ZNF680: variants seen among roughly 807,000 people sequenced by gnomAD.
ZNF680 encodes the protein zinc finger protein 680.
In ZNF680, 6 loss-of-function variants were observed where a neutral mutation model predicts 12.1. That is an observed-to-expected ratio of 0.49 (90% CI 0.27 to 0.98). The LOEUF (loss-of-function observed/expected upper bound fraction) is 0.98, where lower values mean the gene tolerates loss of function less well. Ranked by LOEUF, ZNF680 falls within the 50% of genes least tolerant of loss-of-function variation. ZNF680 has a pLI of 0.12. For synonymous variants in ZNF680, 170 were observed against 199.3 expected (o/e 0.85, Z 1.24); for missense variants, 561 against 616.3 (o/e 0.91, Z 0.95).
intron 1 of ZNF680, among the ~76,000 whole-genome samples, chr7:64,546,191 G>C (rs558804091): frequency 6.6e-6 from 1 of 152,152 alleles, no homozygotes; most frequent in African/African-American, 2.4e-5. Context: ...CTCTTGATCT[G>C]AGACAGGTTT....
Position 64,522,321 on chromosome 7 carries a change from A to G in ZNF680, c.433T>C (p.Cys145Arg), listed in dbSNP as rs761859515. 1.2e-6 allele frequency: 2 copies of G among 1,613,032 alleles called. No homozygotes were observed. Among genetic ancestry groups the G allele is most frequent in the Admixed American group, 3.3e-5 (2 of 59,946 alleles). The change falls in exon 4 of 4, where the codon TGT becomes CGT. Residue 145 changes from cysteine to arginine, a missense_variant. Coordinates refer to ENST00000309683, the MANE Select transcript of ZNF680 (RefSeq NM_178558.5). ...ATTTTGCTCTGGGTAGTTCTCAAAC[A>G]TTGGTTAAGTTCATTATAACCTTCT... ...FKEGYNELNQ[C>R]LRTTQSKIFQ...
Position 64,522,433 on chromosome 7 carries a change from C to T in ZNF680, c.321G>A (p.Val107=), listed in dbSNP as rs1266549529. ...EHSIKDSFQK[V]ILRGYGKCGH... ...CACATTTTCCATATCCTCTCAGTAT[C>T]ACTTTTTGAAAAGAATCTTTTATGC... is the stretch of plus-strand genomic sequence containing the variant. The change falls in exon 4 of 4, where the codon GTG becomes GTA. Residue 107 remains valine (V), a synonymous_variant. Coordinates refer to ENST00000309683, the MANE Select transcript of ZNF680 (RefSeq NM_178558.5). The T allele has an allele frequency of 1.6e-5, 26 of 1,602,018 alleles. No homozygotes were observed. The highest frequency in any genetic ancestry group is 2.1e-5 in the Non-Finnish European group (25 of 1,175,600).
rs1786669942 is a variant in ZNF680, at chr7:64,544,384, A to G, written c.79T>C (p.Trp27Arg). The G allele has an allele frequency of 6.2e-7, 1 of 1,603,976 alleles. No individual in the cohort carries two copies. Residue 27 changes from tryptophan to arginine, a missense_variant, in exon 2 of 4, where the codon TGG becomes CGG. By Grantham distance (101) the Trp-to-Arg change is moderately radical (BLOSUM62 -3). Transcript: ENST00000309683. ...DVAIEFSLEE[W>R]QCLDTAQRNL... ...CGTTGTGCAGTGTCCAGGCATTGCCACTCCTCCAGAGAGAATTCTATGGCC... is the reference window on the plus strand; with the variant it reads ...CGTTGTGCAGTGTCCAGGCATTGCCGCTCCTCCAGAGAGAATTCTATGGCC...
the ZNF680 span, among the ~76,000 whole-genome samples, chr7:64,506,731 A>G: frequency 6.6e-6 from 1 of 152,172 alleles, no homozygotes; most frequent in Admixed American, 6.5e-5. Flanking sequence ...TTCTGTTTGA[A>G]GTTTTTTATT....
rs541435281 is a variant in ZNF680, at chr7:64,537,940, C to CA, written c.253+5766dup. Among the ~76,000 whole-genome samples the CA allele has an allele frequency of 1.5e-4, 23 of 151,392 alleles. 2 individuals are homozygous for CA. The South Asian group carries it at 3.5e-3, about 23-fold the overall frequency. On this transcript the variant is annotated intron_variant, in intron 3 of 3. Transcript: ENST00000309683. ...GCAAGACTCCATCTCCAAAAAAAAA[C>CA]AAAAAAACAAACAAAAACAGAATAG...
At chr7:64,545,060 A>G (rs1043596605) in intron 1 of ZNF680, among the ~76,000 whole-genome samples, 3 of 152,042 alleles carry the variant, frequency 2.0e-5, no homozygotes, top group Non-Finnish European at 4.4e-5. Flanking sequence ...CGAGTTCGAA[A>G]TCAGCCTGGC....
Position 64,521,631 on chromosome 7 carries a change from C to T in ZNF680, c.1123G>A (p.Glu375Lys). 4.3e-6 allele frequency: 7 copies of T among 1,612,366 alleles called. No individual in the cohort carries two copies. The highest frequency in any genetic ancestry group is 5.9e-6 in the Non-Finnish European group (7 of 1,179,734). ...LTRHKKIHTG[E>K]KSYKCEECGK... ...CATTCTTCACATTTGTAGGATTTCT[C>T]TCCAGTATGAATTTTCTTATGTCTA... is the stretch of plus-strand genomic sequence containing the variant. Residue 375 changes from glutamate to lysine, a missense_variant, in exon 4 of 4, where the codon GAG (glutamate) becomes AAG (lysine). Transcript: ENST00000309683.
At chr7:64,517,429 A>G (rs974820966), downstream of ZNF680, among the ~76,000 whole-genome samples, 9 of 152,258 alleles carry the variant, frequency 5.9e-5, no homozygotes, top group East Asian at 1.5e-3. Context: ...GACCAATAAC[A>G]AGCAGTGAGA....
At chr7:64,530,990 C>CATAT in intron 3 of ZNF680, among the ~76,000 whole-genome samples, 1 of 151,614 alleles carries the variant, frequency 6.6e-6, no homozygotes, top group Non-Finnish European at 1.5e-5. Flanking sequence ...ATTTATAAAA[C>CATAT]AATTACTAAT....
chr7:64,500,562 T>C, the ZNF680 span, among the ~76,000 whole-genome samples: 1 of 152,236 alleles, frequency 6.6e-6, no homozygotes, highest in African/African-American at 2.4e-5. Context: ...ATATCATTTC[T>C]ATGTAGAGTA....
At chr7:64,548,957 C>A (rs1173933108) in intron 1 of ZNF680, among the ~76,000 whole-genome samples, 1 of 151,970 alleles carries the variant, frequency 6.6e-6, no homozygotes, top group Non-Finnish European at 1.5e-5. Flanking sequence ...CCCGTCTCTA[C>A]TAAAAATACA....
chr7:64,527,716 C>T, intron 3 of ZNF680, among the ~76,000 whole-genome samples: 1 of 151,992 alleles, frequency 6.6e-6, no homozygotes, highest in East Asian at 1.9e-4. Flanking sequence ...AAAAGTGATC[C>T]CAGGACTTTG....
At chr7:64,524,810 A>G (rs1423016892) in intron 3 of ZNF680, 2 of 150,656 alleles carry the variant, frequency 1.3e-5, no homozygotes, top group Non-Finnish European at 3.0e-5. Context: ...ATTTAAAACT[A>G]AATTTTTATG....
At chr7:64,514,886 A>T (rs1791314550), downstream of ZNF680, among the ~76,000 whole-genome samples, 1 of 152,142 alleles carries the variant, frequency 6.6e-6, no homozygotes, top group African/African-American at 2.4e-5. Flanking sequence ...TCTACTAAAA[A>T]TACAAAATTA....
chr7:64,504,303 T>G, the ZNF680 span, among the ~76,000 whole-genome samples: 1 of 152,242 alleles, frequency 6.6e-6, no homozygotes, highest in Non-Finnish European at 1.5e-5. Context: ...CTATCGCTGT[T>G]TAACGATGAT....
chr7:64,525,963 A>G (rs1791818642), intron 3 of ZNF680: 5 of 985,230 alleles, frequency 5.1e-6, no homozygotes, highest in Non-Finnish European at 4.8e-6. Context: ...TGGCTGATTC[A>G]TATTTGACTT....
At chr7:64,558,208 G>A (rs1030398111) in intron 1 of ZNF680, among the ~76,000 whole-genome samples, 1 of 152,060 alleles carries the variant, frequency 6.6e-6, no homozygotes, top group Non-Finnish European at 1.5e-5. Context: ...CAGATTCAGT[G>A]TCTGGGGGTG....
In ZNF680 at chr7:64,521,359, A is replaced by G. The variant is rs1791518561; in HGVS notation, c.1395T>C (p.Asp465=). Residue 465 remains aspartate (D), a synonymous_variant, in exon 4 of 4, where the codon GAT becomes GAC. Transcript: ENST00000309683. ...GCCAGTTAAAAACATTGCCACATTC[A>G]TCACATTTGTAGGATTTCTCTCCAG... The part of the protein sequence containing the change: ...IHTGEKSYKC[D]ECGNVFNWPA... The G allele has an allele frequency of 3.1e-6, 5 of 1,612,102 alleles. No homozygotes were observed. The highest frequency in any genetic ancestry group is 2.2e-5 in the South Asian group (2 of 90,988).
At chr7:64,536,258 T>C (rs965282549) in intron 3 of ZNF680, among the ~76,000 whole-genome samples, 2 of 152,164 alleles carry the variant, frequency 1.3e-5, no homozygotes, top group Non-Finnish European at 2.9e-5. Flanking sequence ...TATTGATTAT[T>C]TTGCATATAG....
Sources: allele counts gnomAD v4.1 joint callset (sites outside exome capture counted in the v4.1 genomes callset), GRCh38; gene constraint gnomAD v4.1.1; transcripts MANE v1.5; gene names NCBI Gene and HGNC (gene_info 2026-07-23, HGNC 2026-07-21).